Variants in KLHL35 observed in about 807,000 individuals in gnomAD.
KLHL35 encodes kelch-like protein 35.
KLHL35 carries 50 observed loss-of-function variants against 44.0 expected under a neutral mutation model. The observed-to-expected ratio is 1.14, with a 90% CI of 0.91 to 1.44. The LOEUF is 1.44. Ranked by LOEUF, KLHL35 falls within the 40% of genes most tolerant of loss-of-function variation. KLHL35 has a pLI of 0.00. For missense variants in KLHL35, 1,049 were observed against 887.8 expected, an observed-to-expected ratio of 1.18 and a Z score of -2.31; for synonymous variants, 470 against 410.4, an observed-to-expected ratio of 1.15 and a Z score of -1.76.
intron 4 of KLHL35, chr11:75,426,247 C>T (rs1052497307): frequency 6.5e-5 from 16 of 247,448 alleles, no homozygotes; most frequent in Admixed American, 9.9e-5. Context: ...TGCGCCCGGC[C>T]GACAGATTCT....
intron 5 of KLHL35, 121 bp downstream of exon 5, chr11:75,425,272 G>C: frequency 1.8e-6 from 2 of 1,112,534 alleles, no homozygotes; most frequent in Non-Finnish European, 1.2e-6. Flanking sequence ...TGACTGGTCT[G>C]GGCTGTTGAT....
chr11:75,430,279 C>T lies in KLHL35; in HGVS notation c.351G>A (p.Leu117=). 2 of 1,206,952 alleles carry T rather than the reference C, an allele frequency of 1.7e-6. 1 individual carries two copies. 74.8% of individuals were successfully genotyped at this position (1,206,952 alleles called of 1,614,324 possible). A position where few individuals can be genotyped will look rare whatever the true frequency, so the allele number is the denominator to read the frequency against. ...CGGCCGCCGCCTCGTCCTCCGCGCG[C>T]AGCCGCACGCCCGCTCCGTACACGT... ...LDYVYGAGVR[L]RAEDEAAAVL... is the part of the protein sequence containing the mutation. The change falls in exon 2 of 7, where the codon CTG becomes CTA. Residue 117 remains leucine (L), a synonymous_variant. Transcript: ENST00000539798.
intron 2 of KLHL35, 151 bp downstream of exon 2, chr11:75,429,598 G>T: frequency 9.8e-7 from 1 of 1,016,972 alleles, no homozygotes; most frequent in Non-Finnish European, 1.3e-6. Flanking sequence ...AACTCTTCAA[G>T]GGCAGAATTA....
chr11:75,426,549 T>C lies in KLHL35; in HGVS notation c.1156A>G (p.Arg386Gly). 1 of 1,602,308 alleles carries C rather than the reference T, an allele frequency of 6.2e-7. No individual in the cohort carries two copies. The highest frequency in any genetic ancestry group is 1.1e-5 in the South Asian group (1 of 88,962). The change falls in exon 4 of 7, where the codon AGG becomes GGG. Residue 386 changes from arginine to glycine, a missense_variant. Transcript: ENST00000539798. ...KVASLHKGRW[R>G]HKMAVVQGQL... is the part of the protein sequence containing the mutation. ...CCCTGCACAACTGCCATCTTGTGCC[T>C]CCACCTGCCCTTGTGCAGAGAGGCT...
chr11:75,422,521 G>C lies in KLHL35; in HGVS notation c.*59C>G, dbSNP rs1785470022. On this transcript the variant is annotated 3_prime_UTR_variant, in exon 7 of 7. Coordinates refer to ENST00000539798, the MANE Select transcript of KLHL35 (RefSeq NM_001039548.3). ...CGTGGAGGTGCCATGAGGGAGCAGAGTGTGCATCTGAGCTCCGCCTGCCTC... is the reference window on the plus strand; with the variant it reads ...CGTGGAGGTGCCATGAGGGAGCAGACTGTGCATCTGAGCTCCGCCTGCCTC... 1.4e-5 allele frequency: 21 copies of C among 1,513,380 alleles called. No individual in the cohort carries two copies. The highest frequency in any genetic ancestry group is 1.8e-5 in the Non-Finnish European group (20 of 1,099,186). The allele number at this position is 1,513,380 out of a possible 1,614,324, so 93.7% of individuals were successfully genotyped here.
chr11:75,426,755 G>C lies in KLHL35; in HGVS notation c.1067-117C>G, dbSNP rs543966726. 912 of 638,856 alleles carry C rather than the reference G, an allele frequency of 1.4e-3. 13 individuals are homozygous for C. Among genetic ancestry groups the C allele is most frequent in the South Asian group, 1.6e-3 (87 of 52,736 alleles). The allele number at this position is 638,856 out of a possible 1,614,324, so 39.6% of individuals were successfully genotyped here. On this transcript the variant is annotated intron_variant, in intron 3 of 6. Coordinates refer to ENST00000539798, the MANE Select transcript of KLHL35 (RefSeq NM_001039548.3). ...GAAGGGTTAAGGGAAGGCAGCAGGA[G>C]GACTTCTTGAGCTGGTGTAAGACTC...
rs1948520415 is a variant in KLHL35, at chr11:75,429,955, G to A, written c.675C>T (p.Arg225=). The A allele has an allele frequency of 6.9e-7, 1 of 1,447,486 alleles. No individual in the cohort carries two copies. Among genetic ancestry groups the A allele is most frequent in the Non-Finnish European group, 9.0e-7 (1 of 1,109,482 alleles). The allele number at this position is 1,447,486 out of a possible 1,614,324, so 89.7% of individuals were successfully genotyped here. ...GGCCGCGGCGGGCCGGCGCGTCGTG[G>A]CGCACCCAGCGCATGGCCGCTTCAA... ...AVFEAAMRWV[R]HDAPARRGQL... is the part of the protein sequence containing the mutation. Residue 225 remains arginine (R), a synonymous_variant, in exon 2 of 7, where the codon CGC becomes CGT. Transcript: ENST00000539798.
chr11:75,423,631 G>T, intron 6 of KLHL35, 61 bp downstream of exon 6: 1 of 1,405,152 alleles, frequency 7.1e-7, no homozygotes, highest in Non-Finnish European at 9.9e-7. Flanking sequence ...AGATTCACAA[G>T]CTCCAAGATC....
At chr11:75,431,447 G>A (rs1246662908) in intron 1 of KLHL35, among the ~76,000 whole-genome samples, 1 of 152,190 alleles carries the variant, frequency 6.6e-6, no homozygotes, top group Non-Finnish European at 1.5e-5. Context: ...GGAGTTCATA[G>A]AAGGGCCGCT....
rs751268633 is a variant in KLHL35, at chr11:75,429,993, C to G, written c.637G>C (p.Glu213Gln). 2.8e-6 allele frequency: 4 copies of G among 1,417,414 alleles called. No homozygotes were observed. The South Asian group carries it at 5.7e-5, about 20-fold the overall frequency. 87.8% of individuals were successfully genotyped at this position (1,417,414 alleles called of 1,614,324 possible). A position where few individuals can be genotyped will look rare whatever the true frequency, so the allele number is the denominator to read the frequency against. The change falls in exon 2 of 7, where the codon GAG becomes CAG. Residue 213 changes from glutamate to glutamine, a missense_variant. Physicochemically the swap from Glu to Gln is conservative, Grantham distance 29. Transcript: ENST00000539798. Reference sequence around the variant, plus strand: ...ATGGCCGCTTCAAACACGGCCTCCTCGCGCGCCACGCCCAGCGCGGGGTCC... The same window carrying G: ...ATGGCCGCTTCAAACACGGCCTCCTGGCGCGCCACGCCCAGCGCGGGGTCC... Reference protein sequence around the residue: ...LADPALGVAREEAVFEAAMRW... With the variant: ...LADPALGVARQEAVFEAAMRW...
intron 1 of KLHL35, among the ~76,000 whole-genome samples, chr11:75,431,338 C>G (rs952797071): frequency 6.6e-6 from 1 of 152,202 alleles, no homozygotes; most frequent in Non-Finnish European, 1.5e-5. Flanking sequence ...TTATTGGGAG[C>G]CCTTTCTGTG....
Position 75,422,706 on chromosome 11 carries a change from G to A in KLHL35, c.1626C>T (p.Arg542=), listed in dbSNP as rs201608126. 2.1e-4 allele frequency: 339 copies of A among 1,614,004 alleles called. No individual in the cohort carries two copies. Among genetic ancestry groups the A allele is most frequent in the African/African-American group, 1.9e-3 (139 of 75,048 alleles). Reference sequence around the variant, plus strand: ...TGAAGACCTTATCGGTGCTTTCTCCGCGATCATCCCGCCCGCCAAGGATGT... The same window carrying A: ...TGAAGACCTTATCGGTGCTTTCTCCACGATCATCCCGCCCGCCAAGGATGT... ...KVHILGGRDD[R]GESTDKVFTF... Residue 542 remains arginine, a synonymous_variant, in exon 7 of 7, where the codon CGC becomes CGT. Coordinates refer to ENST00000539798, the MANE Select transcript of KLHL35 (RefSeq NM_001039548.3).
intron 3 of KLHL35, 41 bp from the exon 4 acceptor site, chr11:75,426,679 C>A: frequency 7.2e-7 from 1 of 1,381,066 alleles, no homozygotes; most frequent in South Asian, 1.2e-5. Context: ...GGCTCTCTTG[C>A]TATCCCAAGC....
rs997840270 is a variant in KLHL35 at position 75,429,898 on chromosome 11, C to T, written c.732G>A (p.Leu244=). The T allele has an allele frequency of 5.3e-6, 8 of 1,511,454 alleles. No homozygotes were observed. The highest frequency in any genetic ancestry group is 6.1e-6 in the Non-Finnish European group (7 of 1,139,968). The allele number at this position is 1,511,454 out of a possible 1,614,324, so 93.6% of individuals were successfully genotyped here. ...QLRRLLEHVR[L]PLLAPAYFLE... is the part of the protein sequence containing the mutation. ...GGAAGTAAGCGGGCGCCAGTAGCGGCAGGCGCACGTGCTCCAGCAGGCGTC... is the reference window on the plus strand; with the variant it reads ...GGAAGTAAGCGGGCGCCAGTAGCGGTAGGCGCACGTGCTCCAGCAGGCGTC... The change falls in exon 2 of 7, where the codon CTG becomes CTA. Residue 244 remains leucine, a synonymous_variant. Transcript: ENST00000539798.
chr11:75,432,026 A>G (rs1457646757), intron 1 of KLHL35, among the ~76,000 whole-genome samples: 1 of 152,160 alleles, frequency 6.6e-6, no homozygotes, highest in East Asian at 1.9e-4. Context: ...GGCTCAGCAG[A>G]GGGGTGTTTG....
intron 1 of KLHL35, 110 bp from the exon 2 acceptor site, chr11:75,430,740 C>T (rs977406049): frequency 1.0e-6 from 1 of 965,236 alleles, no homozygotes. Context: ...TTCAGCGACT[C>T]TCCCCTCCGT....
intron 2 of KLHL35, 119 bp downstream of exon 2, chr11:75,429,630 G>T: frequency 7.9e-7 from 1 of 1,263,784 alleles, no homozygotes; most frequent in Non-Finnish European, 1.0e-6. Flanking sequence ...CCTCTAAAAT[G>T]TTGAACGAAT....
At chr11:75,428,835 G>T (rs558063590) in intron 2 of KLHL35, among the ~76,000 whole-genome samples, 2 of 146,642 alleles carry the variant, frequency 1.4e-5, no homozygotes, top group African/African-American at 5.0e-5. Flanking sequence ...AATGCTTACC[G>T]CATTCTGCTG....
chr11:75,425,466 GC>G lies in KLHL35; in HGVS notation c.1300del (p.Ala434ArgfsTer12). 6.4e-7 allele frequency: 1 copy of G among 1,572,528 alleles called. No homozygotes were observed. Among genetic ancestry groups the G allele is most frequent in the Non-Finnish European group, 8.6e-7 (1 of 1,164,970 alleles). ...CTTGCCCGCGCAGGACGCCACCGCC[GC>G]CGAGCTCACGGCCTCCGGGAGGGGC... is the stretch of plus-strand genomic sequence containing the variant. Reference protein sequence around the residue: ...AAPLPEAVSSAAVASCAGKLF... With the variant: ...AAPLPEAVSSXAVASCAGKLF... On this transcript the variant is annotated frameshift_variant, in exon 5 of 7. Coordinates refer to ENST00000539798, the MANE Select transcript of KLHL35 (RefSeq NM_001039548.3). LOFTEE classifies it high-confidence loss of function.
Sources: allele counts gnomAD v4.1 joint callset (sites outside exome capture counted in the v4.1 genomes callset), GRCh38; gene constraint gnomAD v4.1.1; transcripts MANE v1.5; gene names NCBI Gene and HGNC (gene_info 2026-07-23, HGNC 2026-07-21).